LRRC19: variants seen among roughly 807,000 people sequenced by gnomAD.
The protein encoded by LRRC19 is leucine rich repeat containing 19.
A neutral mutation model predicts 33.3 loss-of-function variants in LRRC19; 33 were observed. The observed-to-expected ratio is 0.99, with a 90% CI of 0.75 to 1.33. LRRC19 has a LOEUF of 1.33. LRRC19 is among the 40% of genes most tolerant of loss of function. LRRC19 has a pLI of 0.00. For synonymous variants in LRRC19, 184 were observed against 152.3 expected, an observed-to-expected ratio of 1.21 and a Z score of -1.53; for missense variants, 463 against 417.3, an observed-to-expected ratio of 1.11 and a Z score of -0.95.
intron 1 of LRRC19, among the ~76,000 whole-genome samples, chr9:27,001,402 G>T (rs1188224521): frequency 1.3e-5 from 2 of 152,004 alleles, no homozygotes; most frequent in South Asian, 4.2e-4. Context: ...CTCCAGAGTG[G>T]CTATACTAAT....
chr9:27,004,381 C>T (rs1348349356), intron 1 of LRRC19, among the ~76,000 whole-genome samples: 2 of 152,098 alleles, frequency 1.3e-5, no homozygotes, highest in Non-Finnish European at 2.9e-5. Flanking sequence ...TCTAAAGCAT[C>T]GTTAGGTCTG....
intron 3 of LRRC19, 115 bp downstream of exon 3, chr9:26,997,613 C>CAT (rs1828234341): frequency 9.0e-7 from 1 of 1,107,990 alleles, no homozygotes; most frequent in Non-Finnish European, 1.3e-6. Context: ...GGATTACAGG[C>CAT]ATGAGCCACT....
Position 26,999,674 on chromosome 9 carries a change from T to C in LRRC19, c.21A>G (p.Thr7=), listed in dbSNP as rs1828368852. 6.2e-7 allele frequency: 1 copy of C among 1,609,778 alleles called. No individual in the cohort carries two copies. Among genetic ancestry groups the C allele is most frequent in the Admixed American group, 1.7e-5 (1 of 59,586 alleles). Residue 7 remains threonine (T), a synonymous_variant, in exon 2 of 5, where the codon ACA becomes ACG. Transcript: ENST00000380055. Reference sequence around the variant, plus strand: ...TCATGGAGAGGGGCCAAAAGAGGATTGTGATGCCTGTGACTTTCATGTTGC... The same window carrying C: ...TCATGGAGAGGGGCCAAAAGAGGATCGTGATGCCTGTGACTTTCATGTTGC... MKVTGI[T]ILFWPLSMIL... is the part of the protein sequence containing the mutation.
rs1828089021 is a variant in LRRC19, at chr9:26,995,388, T to G, written c.*133A>C. ...TCAATATAATGCAAAGAACATAATT[T>G]TATGATATTCATGTATGTTGTCATT... On this transcript the variant is annotated 3_prime_UTR_variant, in exon 5 of 5. Transcript: ENST00000380055. 1 of 609,096 alleles carries G rather than the reference T, an allele frequency of 1.6e-6. No individual in the cohort carries two copies. Among genetic ancestry groups the G allele is most frequent in the Admixed American group, 3.0e-5 (1 of 33,396 alleles). 37.7% of individuals were successfully genotyped at this position (609,096 alleles called of 1,614,324 possible). A position where few individuals can be genotyped will look rare whatever the true frequency, so the allele number is the denominator to read the frequency against.
At chr9:26,999,386 T>G (rs1300078245) in intron 2 of LRRC19, among the ~76,000 whole-genome samples, 1 of 152,186 alleles carries the variant, frequency 6.6e-6, no homozygotes, top group African/African-American at 2.4e-5. Context: ...TCTGATTTTA[T>G]AGTGAAAATT....
Position 26,996,472 on chromosome 9 carries a change from T to C in LRRC19, c.623A>G (p.Tyr208Cys). Reference protein sequence around the residue: ...LENENITMCSYPNSLQSYNIK... With the variant: ...LENENITMCSCPNSLQSYNIK... ...ATTGTAGCTCTGCAGGCTGTTGGGG[T>C]AGCTACACATGGTGATGTTCTCATT... is the stretch of plus-strand genomic sequence containing the variant. Residue 208 changes from tyrosine (Y) to cysteine (C), a missense_variant, in exon 4 of 5, where the codon TAC becomes TGC. Tyr to Cys is a radical substitution (Grantham distance 194). Transcript: ENST00000380055. 1 of 1,516,838 alleles carries C rather than the reference T, an allele frequency of 6.6e-7. No homozygotes were observed. The highest frequency in any genetic ancestry group is 8.9e-7 in the Non-Finnish European group (1 of 1,122,782). The allele number at this position is 1,516,838 out of a possible 1,614,324, so 94.0% of individuals were successfully genotyped here.
At chr9:26,998,339 A>G in intron 2 of LRRC19, 98 bp from the exon 3 acceptor site, 1 of 719,034 alleles carries the variant, frequency 1.4e-6, no homozygotes, top group Non-Finnish European at 2.1e-6. Context: ...GAAGGACGTT[A>G]TTTTGGGAAA....
Position 26,998,689 on chromosome 9 carries a change from T to A in LRRC19, c.82-448A>T, listed in dbSNP as rs931004979. Among the ~76,000 whole-genome samples the A allele has an allele frequency of 3.3e-5, 5 of 152,224 alleles. No individual in the cohort carries two copies. The South Asian group carries it at 8.3e-4, about 25-fold the overall frequency. ...CAACATTATACCTAGGGCTGTTCAATAATTAATAAATGGGCTGGGCATGGT... is the reference window on the plus strand; with the variant it reads ...CAACATTATACCTAGGGCTGTTCAAAAATTAATAAATGGGCTGGGCATGGT... On this transcript the variant is annotated intron_variant, in intron 2 of 4. Coordinates refer to ENST00000380055, the MANE Select transcript of LRRC19 (RefSeq NM_022901.3).
At chr9:27,004,406 A>G (rs1365467315) in intron 1 of LRRC19, among the ~76,000 whole-genome samples, 1 of 152,230 alleles carries the variant, frequency 6.6e-6, no homozygotes, top group Non-Finnish European at 1.5e-5. Flanking sequence ...TGTGAAATAC[A>G]TTGATTGATC....
intron 1 of LRRC19, among the ~76,000 whole-genome samples, chr9:27,001,603 GT>G (rs1410512182): frequency 6.6e-6 from 1 of 152,000 alleles, no homozygotes; most frequent in Non-Finnish European, 1.5e-5. Context: ...TCTTTTGTGT[GT>G]TTTTTGAGAA....
chr9:26,995,399 A>C lies in LRRC19; in HGVS notation c.*122T>G. 3.2e-6 allele frequency: 2 copies of C among 623,154 alleles called. No homozygotes were observed. The highest frequency in any genetic ancestry group is 5.6e-6 in the Non-Finnish European group (2 of 357,498). 38.6% of individuals were successfully genotyped at this position (623,154 alleles called of 1,614,324 possible). A position where few individuals can be genotyped will look rare whatever the true frequency, so the allele number is the denominator to read the frequency against. ...CAAAGAACATAATTTTATGATATTC[A>C]TGTATGTTGTCATTAATATGAATGC... On this transcript the variant is annotated 3_prime_UTR_variant, in exon 5 of 5. Transcript: ENST00000380055.
chr9:26,997,958 T>A lies in LRRC19; in HGVS notation c.365A>T (p.Lys122Ile). Reference protein sequence around the residue: ...IQQGAFLGLNKLKQLYLCQNK... With the variant: ...IQQGAFLGLNILKQLYLCQNK... ...TTGGCAGAGATATAACTGTTTTAGTTTATTTAAGCCTAAAAATGCACCCTG... is the reference window on the plus strand; with the variant it reads ...TTGGCAGAGATATAACTGTTTTAGTATATTTAAGCCTAAAAATGCACCCTG... The change falls in exon 3 of 5, where the codon AAA becomes ATA. Residue 122 changes from lysine to isoleucine, a missense_variant. Lys to Ile is a moderately radical substitution (Grantham distance 102, BLOSUM62 -3). Coordinates refer to ENST00000380055, the MANE Select transcript of LRRC19 (RefSeq NM_022901.3). 6.2e-7 allele frequency: 1 copy of A among 1,613,902 alleles called. No homozygotes were observed. Among genetic ancestry groups the A allele is most frequent in the East Asian group, 2.2e-5 (1 of 44,842 alleles).
intron 1 of LRRC19, among the ~76,000 whole-genome samples, chr9:27,004,285 AT>A (rs1828661804): frequency 6.6e-6 from 1 of 152,138 alleles, no homozygotes; most frequent in South Asian, 2.1e-4. Context: ...TTAGAAAAGG[AT>A]TTTTTTTCCT....
chr9:26,993,327 G>T lies in LRRC19; in HGVS notation c.*2194C>A, dbSNP rs182634888. ...CAGAATGATACATTGTTTAGAAAAAGATATTTTATGTTCCTATAATCATCT... is the reference window on the plus strand; with the variant it reads ...CAGAATGATACATTGTTTAGAAAAATATATTTTATGTTCCTATAATCATCT... On this transcript the variant is annotated 3_prime_UTR_variant, in exon 5 of 5. Coordinates refer to ENST00000380055, the MANE Select transcript of LRRC19 (RefSeq NM_022901.3). 2 of 152,134 alleles carry T rather than the reference G, an allele frequency of 1.3e-5. No individual in the cohort carries two copies. Among genetic ancestry groups the T allele is most frequent in the Admixed American group, 6.5e-5 (1 of 15,272 alleles). The allele number at this position is 152,134 out of a possible 1,614,324, so 9.4% of individuals were successfully genotyped here. A position where few individuals can be genotyped will look rare whatever the true frequency, so the allele number is the denominator to read the frequency against.
chr9:26,999,763 G>GTT, intron 1 of LRRC19, 60 bp from the exon 2 acceptor site: 1 of 476,842 alleles, frequency 2.1e-6, no homozygotes, highest in Non-Finnish European at 3.3e-6. Context: ...TTTTGAATCT[G>GTT]TTTATTCTTT....
rs1828732973 is a variant in LRRC19, at chr9:27,005,571, C to G, written c.-10+21G>C. ...AAAAAAAATACAACAATAACCAAAG[C>G]TATAAATATACATATCTTACCTTTT... On this transcript the variant is annotated intron_variant, in intron 1 of 4. Coordinates refer to ENST00000380055, the MANE Select transcript of LRRC19 (RefSeq NM_022901.3). 2.0e-5 allele frequency: 3 copies of G among 151,756 alleles called. No individual in the cohort carries two copies. In the South Asian group the frequency reaches 6.2e-4, roughly 32 times the overall value. The allele number at this position is 151,756 out of a possible 1,614,324, so 9.4% of individuals were successfully genotyped here.
At chr9:27,005,359 C>CCCCA in intron 1 of LRRC19, among the ~76,000 whole-genome samples, 1 of 48,072 alleles carries the variant, frequency 2.1e-5, no homozygotes, top group East Asian at 9.5e-4. Context: ...ATTTCCCCCC[C>CCCCA]CGCCCCCCGC....
intron 1 of LRRC19, among the ~76,000 whole-genome samples, chr9:27,000,316 A>C (rs1487716535): frequency 6.6e-6 from 1 of 152,222 alleles, no homozygotes; most frequent in Non-Finnish European, 1.5e-5. Context: ...TTTAATATAG[A>C]AGTGCACAAA....
chr9:27,002,008 C>G (rs1164660436), intron 1 of LRRC19, among the ~76,000 whole-genome samples: 2 of 151,542 alleles, frequency 1.3e-5, no homozygotes, highest in African/African-American at 4.9e-5. Context: ...ACAGGATGCA[C>G]GTCTGGGGGG....
Sources: allele counts gnomAD v4.1 joint callset (sites outside exome capture counted in the v4.1 genomes callset), GRCh38; gene constraint gnomAD v4.1.1; transcripts MANE v1.5; gene names NCBI Gene and HGNC (gene_info 2026-07-23, HGNC 2026-07-21).